TCERG1L: variants seen among roughly 807,000 people sequenced by gnomAD.
TCERG1L encodes the protein transcription elongation regulator 1 like, also known as transcription elongation regulator 1-like protein.
In TCERG1L, 37 loss-of-function variants were observed where a neutral mutation model predicts 56.3. The ratio of observed to expected loss-of-function variants is 0.66; its 90% CI spans 0.51 to 0.87. The LOEUF (loss-of-function observed/expected upper bound fraction) is 0.87, where lower values mean the gene tolerates loss of function less well. Ranked by LOEUF, TCERG1L falls within the 40% of genes least tolerant of loss-of-function variation. TCERG1L has a pLI of 0.00. For missense variants in TCERG1L, 799 were observed against 774.2 expected, an observed-to-expected ratio of 1.03 and a Z score of -0.38; for synonymous variants, 324 against 326.3, an observed-to-expected ratio of 0.99 and a Z score of 0.08.
At chr10:131,124,773 G>A (rs953449229) in intron 8 of TCERG1L, among the ~76,000 whole-genome samples, 1 of 152,200 alleles carries the variant, frequency 6.6e-6, no homozygotes, top group Non-Finnish European at 1.5e-5. Context: ...CCTGAGGAGG[G>A]AACGCTGGGC....
At chr10:131,176,008 C>T (rs1846143818) in intron 4 of TCERG1L, among the ~76,000 whole-genome samples, 3 of 152,212 alleles carry the variant, frequency 2.0e-5, no homozygotes, top group African/African-American at 7.2e-5. Context: ...GCAACGCCCA[C>T]CTTTCAAGGC....
chr10:131,300,294 T>A (rs1314277821), intron 3 of TCERG1L, among the ~76,000 whole-genome samples: 1 of 152,190 alleles, frequency 6.6e-6, no homozygotes, highest in Non-Finnish European at 1.5e-5. Flanking sequence ...CATTTTTATT[T>A]CCTTTGTTCA....
chr10:131,152,092 G>A (rs1845872501), intron 6 of TCERG1L, among the ~76,000 whole-genome samples: 1 of 152,160 alleles, frequency 6.6e-6, no homozygotes, highest in Admixed American at 6.5e-5. Context: ...ACATACTCTG[G>A]AGACCTTCTT....
intron 4 of TCERG1L, among the ~76,000 whole-genome samples, chr10:131,235,181 TG>T (rs1845900567): frequency 1.3e-5 from 2 of 152,182 alleles, no homozygotes; most frequent in African/African-American, 4.8e-5. Flanking sequence ...ACCATGAAAA[TG>T]CTTATGCCTA....
In TCERG1L at chr10:131,092,943, G is replaced by A. The variant is rs568560412; in HGVS notation, c.*219C>T. The A allele has an allele frequency of 4.4e-5, 22 of 500,746 alleles. No homozygotes were observed. Among genetic ancestry groups the A allele is most frequent in the Middle Eastern group, 5.1e-4 (1 of 1,948 alleles). The allele number at this position is 500,746 out of a possible 1,614,324, so 31.0% of individuals were successfully genotyped here. ...TAATTAAAACAATTAAGGGATCGACGTATCACGGTGATTAGAAATGCATCA... is the reference window on the plus strand; with the variant it reads ...TAATTAAAACAATTAAGGGATCGACATATCACGGTGATTAGAAATGCATCA... On this transcript the variant is annotated 3_prime_UTR_variant, in exon 12 of 12. Transcript: ENST00000368642.
chr10:131,184,344 G>A (rs1355057472), intron 4 of TCERG1L, among the ~76,000 whole-genome samples: 2 of 152,180 alleles, frequency 1.3e-5, no homozygotes, highest in Admixed American at 6.5e-5. Flanking sequence ...CAAAATAGAC[G>A]TTTAATAAAT....
In TCERG1L at chr10:131,101,083, G is replaced by C. The variant is rs1446586638; in HGVS notation, c.1486-2659C>G. 2.6e-5 allele frequency among the ~76,000 whole-genome samples: 4 copies of C among 152,344 alleles called. No individual in the cohort carries two copies. In the East Asian group the frequency reaches 5.8e-4, roughly 22 times the overall value. ...GTTTTCCCCAGGCAATGGGTACTTA[G>C]CATGAGCTATATTCTCATCTCATCT... On this transcript the variant is annotated intron_variant, in intron 10 of 11. Transcript: ENST00000368642.
chr10:131,245,086 T>C (rs192097136), intron 4 of TCERG1L, among the ~76,000 whole-genome samples: 17 of 152,314 alleles, frequency 1.1e-4, no homozygotes, highest in African/African-American at 4.1e-4. Context: ...GAAATTGGCT[T>C]GCTACCCTGC....
chr10:131,202,538 G>T (rs1334905039), intron 4 of TCERG1L, among the ~76,000 whole-genome samples: 2 of 152,108 alleles, frequency 1.3e-5, no homozygotes, highest in African/African-American at 4.8e-5. Flanking sequence ...ACAAGATCAT[G>T]CCACTGCACT....
At chr10:131,258,519 C>T (rs1846198470) in intron 4 of TCERG1L, among the ~76,000 whole-genome samples, 1 of 152,212 alleles carries the variant, frequency 6.6e-6, no homozygotes, top group Non-Finnish European at 1.5e-5. Context: ...CAGCTCAGAC[C>T]TGCTCATCAC....
intron 3 of TCERG1L, among the ~76,000 whole-genome samples, chr10:131,296,393 T>G (rs537385417): frequency 6.6e-6 from 1 of 152,240 alleles, no homozygotes; most frequent in Non-Finnish European, 1.5e-5. Context: ...CTTTATTGAT[T>G]TTTCTTTGTA....
intron 3 of TCERG1L, among the ~76,000 whole-genome samples, chr10:131,261,207 A>G (rs965478458): frequency 6.6e-6 from 1 of 152,238 alleles, no homozygotes; most frequent in African/African-American, 2.4e-5. Flanking sequence ...CTTTTCAGTA[A>G]AACATTTTTT....
intron 4 of TCERG1L, among the ~76,000 whole-genome samples, chr10:131,258,158 C>G (rs1846193453): frequency 6.6e-6 from 1 of 151,658 alleles, no homozygotes; most frequent in Non-Finnish European, 1.5e-5. Context: ...TAAGGGGTAT[C>G]AGAAATTTCC....
chr10:131,134,579 G>A, intron 7 of TCERG1L, 131 bp from the exon 8 acceptor site: 1 of 695,442 alleles, frequency 1.4e-6, no homozygotes, highest in Non-Finnish European at 2.5e-6. Flanking sequence ...AAAGATTGAT[G>A]TGAAATCCTA....
chr10:131,116,788 C>A lies in TCERG1L; in HGVS notation c.1395+11G>T. The A allele has an allele frequency of 6.4e-7, 1 of 1,554,054 alleles. No individual in the cohort carries two copies. On this transcript the variant is annotated intron_variant, in intron 9 of 11. Coordinates refer to ENST00000368642, the MANE Select transcript of TCERG1L (RefSeq NM_174937.4). ...CCGTAGGAGTGCAGCCCCTCAGCCG[C>A]TGTGCCTTACCCCTCTCTCCAGCAG...
intron 3 of TCERG1L, among the ~76,000 whole-genome samples, chr10:131,279,130 T>A (rs1846426184): frequency 1.3e-5 from 2 of 152,126 alleles, no homozygotes; most frequent in Non-Finnish European, 2.9e-5. Context: ...GCTACCTAGT[T>A]CATGGGAGCC....
At chr10:131,306,659 AATT>A (rs1377051301) in intron 3 of TCERG1L, among the ~76,000 whole-genome samples, 4 of 152,174 alleles carry the variant, frequency 2.6e-5, no homozygotes, top group African/African-American at 9.7e-5. Context: ...ACCCACAAAA[AATT>A]ATAATAATTT....
chr10:131,271,076 T>C (rs936821327), intron 3 of TCERG1L, among the ~76,000 whole-genome samples: 2 of 152,156 alleles, frequency 1.3e-5, no homozygotes, highest in Non-Finnish European at 2.9e-5. Flanking sequence ...GCCTCAGCAA[T>C]ACCAGGAGGG....
chr10:131,127,218 C>A (rs1465597588), intron 8 of TCERG1L, among the ~76,000 whole-genome samples: 2 of 152,186 alleles, frequency 1.3e-5, no homozygotes, highest in Non-Finnish European at 2.9e-5. Context: ...AGAAACAGAA[C>A]AAAAGGCCCA....
Sources: allele counts gnomAD v4.1 joint callset (sites outside exome capture counted in the v4.1 genomes callset), GRCh38; gene constraint gnomAD v4.1.1; transcripts MANE v1.5; gene names NCBI Gene and HGNC (gene_info 2026-07-23, HGNC 2026-07-21).